Variants in ANKRD13D observed in about 807,000 individuals in gnomAD.
The protein encoded by ANKRD13D is ankyrin repeat domain-containing protein 13D.
A neutral mutation model predicts 68.8 loss-of-function variants in ANKRD13D; 24 were observed. The observed-to-expected ratio is 0.35, with a 90% CI of 0.25 to 0.49. The LOEUF is 0.49. Among genes scored for constraint, ANKRD13D ranks in the 20% least tolerant of loss-of-function variants. The pLI, the probability that ANKRD13D is intolerant of heterozygous loss-of-function variation, is 0.99. For synonymous variants in ANKRD13D, 331 were observed against 336.1 expected (o/e 0.98, Z 0.16); for missense variants, 735 against 832.1 (o/e 0.88, Z 1.44).
At chr11:67,292,952 A>G (rs1247295198) in intron 6 of ANKRD13D, among the ~76,000 whole-genome samples, 1 of 152,180 alleles carries the variant, frequency 6.6e-6, no homozygotes, top group African/African-American at 2.4e-5. Flanking sequence ...TTAGTATAAT[A>G]TATTCAAGGT....
chr11:67,294,179 T>C (rs1860679300), intron 6 of ANKRD13D, among the ~76,000 whole-genome samples: 1 of 152,244 alleles, frequency 6.6e-6, no homozygotes, highest in African/African-American at 2.4e-5. Flanking sequence ...GTCTTCCTAC[T>C]TTGTTTTTCT....
At position 67,301,666 on chromosome 11, in the gene ANKRD13D, G is replaced by T; in HGVS notation, c.1512+15G>T. On this transcript the variant is annotated intron_variant, in intron 13 of 14. Coordinates refer to ENST00000511455, the MANE Select transcript of ANKRD13D (RefSeq NM_207354.3). The surrounding 1 kb of genome is among the most constrained non-coding windows in gnomAD (Gnocchi z 4.5). ...AGGCGGAGCAGGTGGGACTTGCCCA[G>T]GGGGTGGGCTCTGGCCTCTGCAGCC... The T allele has an allele frequency of 6.2e-7, 1 of 1,611,202 alleles. No homozygotes were observed. The highest frequency in any genetic ancestry group is 8.5e-7 in the Non-Finnish European group (1 of 1,179,458).
At position 67,300,839 on chromosome 11, in the gene ANKRD13D, C is replaced by A; in HGVS notation, c.1074-151C>A. The stretch of plus-strand genomic sequence containing the variant: ...GCCACGTGGCCAGGACACCAGCTCC[C>A]GGGGGAGGCGGGCAGCGGCATCTGA... On this transcript the variant is annotated intron_variant, in intron 10 of 14. Transcript: ENST00000511455. The surrounding 1 kb of genome is among the most constrained non-coding windows in gnomAD (Gnocchi z 4.3). 1.0e-6 allele frequency: 1 copy of A among 991,056 alleles called. No homozygotes were observed. The highest frequency in any genetic ancestry group is 1.4e-6 in the Non-Finnish European group (1 of 692,708). 61.4% of individuals were successfully genotyped at this position (991,056 alleles called of 1,614,324 possible). A position where few individuals can be genotyped will look rare whatever the true frequency, so the allele number is the denominator to read the frequency against.
rs750320304 is a variant in ANKRD13D at position 67,292,216 on chromosome 11, G to A, written c.731+36G>A. 12 of 1,548,912 alleles carry A rather than the reference G, an allele frequency of 7.7e-6. 1 individual carries two copies. The South Asian group carries it at 1.1e-4, about 14-fold the overall frequency. ...TCCTGGCACACCGTGGGTGGGATGGGGACGGATAGCAAGAGCCACCATTAA... is the reference window on the plus strand; with the variant it reads ...TCCTGGCACACCGTGGGTGGGATGGAGACGGATAGCAAGAGCCACCATTAA... On this transcript the variant is annotated intron_variant, in intron 6 of 14. Coordinates refer to ENST00000511455, the MANE Select transcript of ANKRD13D (RefSeq NM_207354.3).
Position 67,299,457 on chromosome 11 carries a change from G to A in ANKRD13D, c.799-73G>A. 1 of 1,286,078 alleles carries A rather than the reference G, an allele frequency of 7.8e-7. No individual in the cohort carries two copies. Among genetic ancestry groups the A allele is most frequent in the Non-Finnish European group, 1.1e-6 (1 of 914,834 alleles). 79.7% of individuals were successfully genotyped at this position (1,286,078 alleles called of 1,614,324 possible). ...CTGTCTCTGGGACAGGAGGACCTGG[G>A]TTCTGCACTGGTGAGGCTGAGTGTG... On this transcript the variant is annotated intron_variant, in intron 7 of 14. Coordinates refer to ENST00000511455, the MANE Select transcript of ANKRD13D (RefSeq NM_207354.3). The surrounding 1 kb of genome is among the most constrained non-coding windows in gnomAD (Gnocchi z 6.2).
At position 67,290,012 on chromosome 11, in the gene ANKRD13D, G is replaced by T. The variant is rs1409822115; in HGVS notation, c.91-66G>T. 4 of 1,490,828 alleles carry T rather than the reference G, an allele frequency of 2.7e-6. No individual in the cohort carries two copies. In the South Asian group the frequency reaches 3.9e-5, roughly 14 times the overall value. 92.3% of individuals were successfully genotyped at this position (1,490,828 alleles called of 1,614,324 possible). Reference sequence around the variant, plus strand: ...CCCACAGCGATTCCCAACCCTGCTCGCCCTGGCAGCCTCCCTGCCTTGCCC... The same window carrying T: ...CCCACAGCGATTCCCAACCCTGCTCTCCCTGGCAGCCTCCCTGCCTTGCCC... On this transcript the variant is annotated intron_variant, in intron 1 of 14. Transcript: ENST00000511455.
rs1861023195 is a variant in ANKRD13D, at chr11:67,301,963, G to T, written c.1604+140G>T. 2 of 1,324,958 alleles carry T rather than the reference G, an allele frequency of 1.5e-6. No homozygotes were observed. Among genetic ancestry groups the T allele is most frequent in the South Asian group, 1.5e-5 (1 of 66,544 alleles). The allele number at this position is 1,324,958 out of a possible 1,614,324, so 82.1% of individuals were successfully genotyped here. A position where few individuals can be genotyped will look rare whatever the true frequency, so the allele number is the denominator to read the frequency against. On this transcript the variant is annotated intron_variant, in intron 14 of 14. Coordinates refer to ENST00000511455, the MANE Select transcript of ANKRD13D (RefSeq NM_207354.3). The surrounding 1 kb of genome is among the most constrained non-coding windows in gnomAD (Gnocchi z 4.5). ...AGCAGCGCTATCTGCCACCAAAGGTGGTGTGAGGGGTGGGGAAGCAGGGCC... is the reference window on the plus strand; with the variant it reads ...AGCAGCGCTATCTGCCACCAAAGGTTGTGTGAGGGGTGGGGAAGCAGGGCC...
intron 1 of ANKRD13D, chr11:67,289,775 T>G: frequency 7.1e-7 from 1 of 1,417,780 alleles, no homozygotes; most frequent in Non-Finnish European, 9.2e-7. Context: ...CGAACTCGCT[T>G]CCGCATCCTT....
intron 6 of ANKRD13D, among the ~76,000 whole-genome samples, chr11:67,294,431 G>T (rs1860687317): frequency 6.6e-6 from 1 of 152,072 alleles, no homozygotes; most frequent in Non-Finnish European, 1.5e-5. Flanking sequence ...CATTTATTTG[G>T]ATCTTCTTTA....
At chr11:67,298,876 C>T in intron 6 of ANKRD13D, 182 bp from the exon 7 acceptor site, 1 of 633,532 alleles carries the variant, frequency 1.6e-6, no homozygotes, top group Non-Finnish European at 2.9e-6. Flanking sequence ...GTCCCAAGTC[C>T]ATGCTCAAGT....
chr11:67,299,960 T>C lies in ANKRD13D; in HGVS notation c.943-33T>C. 1.3e-6 allele frequency: 2 copies of C among 1,596,830 alleles called. No individual in the cohort carries two copies. The highest frequency in any genetic ancestry group is 8.6e-7 in the Non-Finnish European group (1 of 1,169,408). On this transcript the variant is annotated intron_variant, in intron 9 of 14. Transcript: ENST00000511455. The surrounding 1 kb of genome is among the most constrained non-coding windows in gnomAD (Gnocchi z 6.2). ...GGGCGGGAGGGCACCCTCTGTCACC[T>C]TGATGGCTGAGTCCGCCCTGGGACC...
Position 67,301,475 on chromosome 11 carries a change from G to A in ANKRD13D, c.1349-13G>A. ...CCCGCGGGTTGAGCGTGGCCCCTCT[G>A]CCACCTGCCTAGGGAACCCTTTCCC... is the stretch of plus-strand genomic sequence containing the variant. On this transcript the variant is annotated splice_polypyrimidine_tract_variant and intron_variant, in intron 12 of 14. Coordinates refer to ENST00000511455, the MANE Select transcript of ANKRD13D (RefSeq NM_207354.3). The surrounding 1 kb of genome is among the most constrained non-coding windows in gnomAD (Gnocchi z 4.5). The A allele has an allele frequency of 1.2e-6, 2 of 1,611,022 alleles. No homozygotes were observed. The highest frequency in any genetic ancestry group is 1.7e-6 in the Non-Finnish European group (2 of 1,178,552).
At chr11:67,297,248 C>T (rs538538251) in intron 6 of ANKRD13D, among the ~76,000 whole-genome samples, 22 of 152,288 alleles carry the variant, frequency 1.4e-4, no homozygotes, top group African/African-American at 4.6e-4. Context: ...CTCACTCCAT[C>T]GCCCAGGCTG....
Position 67,300,746 on chromosome 11 carries a change from C to T in ANKRD13D, c.1074-244C>T, listed in dbSNP as rs1206353565. ...CAGCCTGGCACCTGGCCTCCTTGTC[C>T]AGACCAGATGAGCTGGTACGAAATC... On this transcript the variant is annotated intron_variant, in intron 10 of 14. Transcript: ENST00000511455. This position sits in a 1 kb window ranked among gnomAD's most constrained non-coding sequence, Gnocchi z 4.3. 4 of 582,502 alleles carry T rather than the reference C, an allele frequency of 6.9e-6. No homozygotes were observed. The African/African-American group carries it at 7.5e-5, about 11-fold the overall frequency. 36.1% of individuals were successfully genotyped at this position (582,502 alleles called of 1,614,324 possible).
At chr11:67,290,236 C>T (rs956024710) in intron 2 of ANKRD13D, 23 bp downstream of exon 2, 1 of 1,542,790 alleles carries the variant, frequency 6.5e-7, no homozygotes, top group Non-Finnish European at 8.7e-7. Context: ...ACAAGGGGCT[C>T]CCCCTGAGGC....
chr11:67,291,593 C>T lies in ANKRD13D; in HGVS notation c.398-10C>T, dbSNP rs112906755. 1.5e-5 allele frequency: 24 copies of T among 1,613,948 alleles called. No individual in the cohort carries two copies. Among genetic ancestry groups the T allele is most frequent in the African/African-American group, 1.5e-4 (11 of 75,028 alleles). On this transcript the variant is annotated splice_polypyrimidine_tract_variant and intron_variant, in intron 4 of 14. Transcript: ENST00000511455. ...GGAAAGACCCCCAGTGACCCCTGTG[C>T]ACCCTGCAGTGCCCCTTGTGTCTAA...
Position 67,300,206 on chromosome 11 carries a change from C to G in ANKRD13D, c.1073+83C>G. 1 of 1,567,672 alleles carries G rather than the reference C, an allele frequency of 6.4e-7. No homozygotes were observed. The highest frequency in any genetic ancestry group is 8.7e-7 in the Non-Finnish European group (1 of 1,151,472). ...TCTCTGGGCCTGTCATAGTTAGGGACCCACTCCCTCGGCTGGCTTCTCTCT... is the reference window on the plus strand; with the variant it reads ...TCTCTGGGCCTGTCATAGTTAGGGAGCCACTCCCTCGGCTGGCTTCTCTCT... On this transcript the variant is annotated intron_variant, in intron 10 of 14. Coordinates refer to ENST00000511455, the MANE Select transcript of ANKRD13D (RefSeq NM_207354.3). The surrounding 1 kb of genome is among the most constrained non-coding windows in gnomAD (Gnocchi z 4.3).
chr11:67,297,145 GT>G (rs1400786613), intron 6 of ANKRD13D, among the ~76,000 whole-genome samples: 35 of 152,164 alleles, frequency 2.3e-4, no homozygotes, highest in African/African-American at 7.7e-4. Context: ...TTAGGTTAAG[GT>G]TATTGATTTG....
At position 67,302,256 on chromosome 11, in the gene ANKRD13D, A is replaced by AGGAGC; in HGVS notation, c.1745_1749dup (p.Glu584SerfsTer27). ...CTGGAGTTGTCTTCACGGGAGCAGG[A>AGGAGC]GGAGCGGGAGCGGCGCGGGCAGCAG... is the stretch of plus-strand genomic sequence containing the variant. On this transcript the variant is annotated frameshift_variant, in exon 15 of 15. Coordinates refer to ENST00000511455, the MANE Select transcript of ANKRD13D (RefSeq NM_207354.3). LOFTEE classifies it high-confidence loss of function. 6.4e-7 allele frequency: 1 copy of AGGAGC among 1,572,660 alleles called. No homozygotes were observed. The highest frequency in any genetic ancestry group is 8.6e-7 in the Non-Finnish European group (1 of 1,158,622).
Sources: gnomAD v4.1 joint callset for allele counts (sites outside exome capture counted in the v4.1 genomes callset) on GRCh38, gnomAD v4.1.1 for gene constraint, Gnocchi (gnomAD v3.1) non-coding constraint, MANE v1.5 for transcripts, NCBI Gene and HGNC (gene_info 2026-07-23, HGNC 2026-07-21) for gene names.